The following MTUS2 variants were observed in gnomAD, a reference collection of about 807,000 sequenced individuals.
The protein encoded by MTUS2 is microtubule associated scaffold protein 2.
In MTUS2, 40 loss-of-function variants were observed where a neutral mutation model predicts 114.1. The ratio of observed to expected loss-of-function variants is 0.35; its 90% CI spans 0.27 to 0.46. MTUS2 has a LOEUF of 0.46. Among genes scored for constraint, MTUS2 ranks in the 20% least tolerant of loss-of-function variants. The probability of loss-of-function intolerance (pLI) is 1.00; values close to 1 mark genes in which losing one functional copy is unlikely to be tolerated. For missense variants in MTUS2, 1,679 were observed against 1,705.4 expected, an observed-to-expected ratio of 0.98 and a Z score of 0.27; for synonymous variants, 688 against 672.0, an observed-to-expected ratio of 1.02 and a Z score of -0.37.
At chr13:28,908,053 T>G (rs527445926) in intron 2 of MTUS2, among the ~76,000 whole-genome samples, 1 of 151,680 alleles carries the variant, frequency 6.6e-6, no homozygotes, top group East Asian at 1.9e-4. Context: ...TTTTGGGGGG[T>G]TTATCCCATT....
intron 2 of MTUS2, among the ~76,000 whole-genome samples, chr13:28,893,082 G>T (rs868106017): frequency 6.6e-6 from 1 of 152,100 alleles, no homozygotes; most frequent in Non-Finnish European, 1.5e-5. Context: ...AACCTTGGAG[G>T]GTTCATTTTC....
chr13:29,281,628 G>T (rs1343130817), intron 5 of MTUS2, 76 bp from the exon 6 acceptor site: 2 of 1,465,816 alleles, frequency 1.4e-6, no homozygotes, highest in African/African-American at 2.8e-5. Flanking sequence ...AGTAGGATTG[G>T]TTGGCAAGTG....
rs1875245627 is a variant in MTUS2, at chr13:29,411,623, T to G, written c.3118-28360T>G. ...TCCATAAAACACAGATTTGTTGGTG[T>G]TTTCACAGAGATTACATTAAACTTA... On this transcript the variant is annotated intron_variant, in intron 8 of 15. Transcript: ENST00000612955. Among the ~76,000 whole-genome samples the G allele has an allele frequency of 2.0e-5, 3 of 152,220 alleles. No individual in the cohort carries two copies. The South Asian group carries it at 6.2e-4, about 32-fold the overall frequency.
At position 29,194,826 on chromosome 13, in the gene MTUS2, C is replaced by G. The variant is rs953479796; in HGVS notation, c.2645-86878C>G. Among the ~76,000 whole-genome samples, 6 of 151,936 alleles carry G rather than the reference C, an allele frequency of 3.9e-5. 1 individual carries two copies. Among genetic ancestry groups the G allele is most frequent in the African/African-American group, 1.4e-4 (6 of 41,418 alleles). ...TTTATTGCAGCACTATTCACAATAGCAAAGACTTGGAACCAACCCAAATGT... is the reference window on the plus strand; with the variant it reads ...TTTATTGCAGCACTATTCACAATAGGAAAGACTTGGAACCAACCCAAATGT... On this transcript the variant is annotated intron_variant, in intron 5 of 15. Coordinates refer to ENST00000612955, the MANE Select transcript of MTUS2 (RefSeq NM_001033602.4).
intron 5 of MTUS2, among the ~76,000 whole-genome samples, chr13:29,144,570 G>A (rs1456334337): frequency 1.3e-5 from 2 of 152,048 alleles, no homozygotes; most frequent in East Asian, 3.9e-4. Context: ...GTTGGCAGAA[G>A]TGATTTCCTT....
intron 2 of MTUS2, among the ~76,000 whole-genome samples, chr13:28,865,067 A>ATG (rs945609018): frequency 6.6e-6 from 1 of 151,996 alleles, no homozygotes; most frequent in African/African-American, 2.4e-5. Flanking sequence ...GTCTGTGTAT[A>ATG]TGTGTGTGTG....
intron 2 of MTUS2, among the ~76,000 whole-genome samples, chr13:28,999,455 A>T (rs1885282884): frequency 6.6e-6 from 1 of 152,170 alleles, no homozygotes; most frequent in Non-Finnish European, 1.5e-5. Context: ...TGTGGTTTTC[A>T]TAGGGCTTAC....
chr13:29,495,863 CCTGTCT>C (rs1882517712), intron 12 of MTUS2, among the ~76,000 whole-genome samples: 2 of 151,722 alleles, frequency 1.3e-5, no homozygotes, highest in Admixed American at 6.6e-5. Context: ...AGAGTGAGAC[CCTGTCT>C]CTGTCTCTGT....
rs886105053 is a variant in MTUS2 at position 29,350,971 on chromosome 13, A to G, written c.2906-8291A>G. On this transcript the variant is annotated intron_variant, in intron 7 of 15. Transcript: ENST00000612955. ...GCATATATATATTTCATATATATAT[A>G]TATATATATATATCTTCAGAGGACA... 7.4e-4 allele frequency among the ~76,000 whole-genome samples: 93 copies of G among 125,104 alleles called. 1 individual carries two copies. The highest frequency in any genetic ancestry group is 1.0e-3 in the Non-Finnish European group (68 of 65,732). 82.1% of individuals were successfully genotyped at this position (125,104 alleles called of 152,430 possible).
At chr13:29,450,208 A>G (rs747662953) in intron 9 of MTUS2, among the ~76,000 whole-genome samples, 1 of 152,134 alleles carries the variant, frequency 6.6e-6, no homozygotes, top group Non-Finnish European at 1.5e-5. Flanking sequence ...ACTAAGTCAC[A>G]AGTCAAATTT....
At chr13:28,879,353 C>G (rs1878148244) in intron 2 of MTUS2, among the ~76,000 whole-genome samples, 1 of 152,088 alleles carries the variant, frequency 6.6e-6, no homozygotes, top group African/African-American at 2.4e-5. Context: ...GTGAGAATGA[C>G]CTTTTCCTCA....
chr13:29,488,086 C>G (rs369528689), intron 11 of MTUS2, 81 bp downstream of exon 11: 3 of 1,075,218 alleles, frequency 2.8e-6, no homozygotes, highest in Non-Finnish European at 4.3e-6. Flanking sequence ...GTGGAGCCCC[C>G]CTTCCTCTCT....
chr13:29,231,747 GTTA>G (rs1249774140), intron 5 of MTUS2, among the ~76,000 whole-genome samples: 9 of 152,084 alleles, frequency 5.9e-5, no homozygotes, highest in African/African-American at 1.4e-4. Context: ...TTTTTCTCAT[GTTA>G]TTAAGTTTTC....
At chr13:29,030,607 C>T (rs780387495) in intron 3 of MTUS2, among the ~76,000 whole-genome samples, 8 of 152,134 alleles carry the variant, frequency 5.3e-5, no homozygotes, top group African/African-American at 1.2e-4. Context: ...AAAAAACAGC[C>T]GACTTCTTCT....
At chr13:29,004,087 G>A (rs568000987) in intron 2 of MTUS2, among the ~76,000 whole-genome samples, 1 of 152,186 alleles carries the variant, frequency 6.6e-6, no homozygotes, top group Non-Finnish European at 1.5e-5. Flanking sequence ...TTACCCAAAA[G>A]TAGGAAGTTG....
chr13:29,496,938 C>G lies in MTUS2; in HGVS notation c.3580-300C>G, dbSNP rs2139004264. On this transcript the variant is annotated intron_variant, in intron 12 of 15. Coordinates refer to ENST00000612955, the MANE Select transcript of MTUS2 (RefSeq NM_001033602.4). The surrounding 1 kb of genome is among the most constrained non-coding windows in gnomAD (Gnocchi z 4.3). ...GACAAGAGGCACCTCTGAGGATTCT[C>G]TCCGAGGACTGTCTGCCTCTGTGGG... Among the ~76,000 whole-genome samples, 1 of 152,274 alleles carries G rather than the reference C, an allele frequency of 6.6e-6. No individual in the cohort carries two copies. The highest frequency in any genetic ancestry group is 1.9e-4 in the East Asian group (1 of 5,176).
chr13:29,100,994 G>A (rs3829381), intron 5 of MTUS2, 24 bp downstream of exon 5: 421,877 of 1,518,370 alleles, frequency 0.28, 62,075 homozygotes, highest in East Asian at 0.54. Context: ...GGCAGGGTGG[G>A]GTGCCTTCAC....
At chr13:29,137,553 CTTCT>C (rs1240618459) in intron 5 of MTUS2, among the ~76,000 whole-genome samples, 2 of 151,952 alleles carry the variant, frequency 1.3e-5, no homozygotes, top group African/African-American at 4.8e-5. Context: ...CTTCTTCTTT[CTTCT>C]TTCTTCTTTG....
intron 10 of MTUS2, among the ~76,000 whole-genome samples, chr13:29,486,881 A>G (rs1388612943): frequency 6.6e-6 from 1 of 152,180 alleles, no homozygotes; most frequent in Admixed American, 6.5e-5. Context: ...GAGATTTGCA[A>G]TCATAGGGAG....
Sources: allele counts gnomAD v4.1 joint callset (sites outside exome capture counted in the v4.1 genomes callset), GRCh38; gene constraint gnomAD v4.1.1; non-coding constraint Gnocchi (gnomAD v3.1); transcripts MANE v1.5; gene names NCBI Gene and HGNC (gene_info 2026-07-23, HGNC 2026-07-21).